Variants in ESR1 observed in about 807,000 individuals in gnomAD.
ESR1 encodes estrogen receptor 1, also known as estrogen receptor.
A neutral mutation model predicts 52.7 loss-of-function variants in ESR1; 12 were observed. The ratio of observed to expected loss-of-function variants is 0.23; its 90% CI spans 0.15 to 0.37. The LOEUF (loss-of-function observed/expected upper bound fraction) is 0.37. ESR1 is among the 10% of genes least tolerant of loss of function. The pLI is 1.00. For missense variants in ESR1, 584 were observed against 779.7 expected (o/e 0.75, Z 2.99); for synonymous variants, 305 against 316.8 (o/e 0.96, Z 0.39).
At chr6:152,010,992 A>G (rs1010510123) in intron 4 of ESR1, among the ~76,000 whole-genome samples, 1 of 151,634 alleles carries the variant, frequency 6.6e-6, no homozygotes, top group Non-Finnish European at 1.5e-5. Context: ...GGTAACCACA[A>G]TATTATCAGT....
chr6:151,824,851 G>T (rs112691513), intron 1 of ESR1, among the ~76,000 whole-genome samples: 5,057 of 151,938 alleles, frequency 0.033, 264 homozygotes, highest in African/African-American at 0.11. Context: ...AACCCAGGAG[G>T]TGTAGGTTGC....
chr6:151,989,479 A>T lies in ESR1; in HGVS notation c.1097-22177A>T, dbSNP rs1031089643. Among the ~76,000 whole-genome samples, 20 of 151,982 alleles carry T rather than the reference A, an allele frequency of 1.3e-4. No individual in the cohort carries two copies. In the East Asian group the frequency reaches 1.7e-3, roughly 13 times the overall value. The stretch of plus-strand genomic sequence containing the variant: ...TAAAAAATTAACTTCAAAAGTATTT[A>T]AAAAAATCATTATATTTAAAACCAT... On this transcript the variant is annotated intron_variant, in intron 4 of 7. Transcript: ENST00000206249.
At chr6:151,985,530 A>AAAC (rs2040394756) in intron 4 of ESR1, among the ~76,000 whole-genome samples, 1 of 134,800 alleles carries the variant, frequency 7.4e-6, no homozygotes, top group African/African-American at 3.2e-5. Context: ...AAAAAAAAAA[A>AAAC]AAACACAAAC....
rs2047567105 is a variant in ESR1, at chr6:152,061,799, T to C, written c.1369+675T>C. On this transcript the variant is annotated intron_variant, in intron 6 of 7. Transcript: ENST00000206249. This position sits in a 1 kb window ranked among gnomAD's most constrained non-coding sequence, Gnocchi z 4.3. Reference sequence around the variant, plus strand: ...CAATGTAGTGAGGCTGGCTGTTGTATAAAGAGTTACTCTATGTCACCAAGA... The same window carrying C: ...CAATGTAGTGAGGCTGGCTGTTGTACAAAGAGTTACTCTATGTCACCAAGA... 6.6e-6 allele frequency among the ~76,000 whole-genome samples: 1 copy of C among 152,226 alleles called. No homozygotes were observed. The highest frequency in any genetic ancestry group is 2.4e-5 in the African/African-American group (1 of 41,454).
intron 4 of ESR1, among the ~76,000 whole-genome samples, chr6:151,996,543 T>G (rs74696092): frequency 0.037 from 5,570 of 152,124 alleles, 271 homozygotes; most frequent in African/African-American, 0.11. Flanking sequence ...GGGCTCTTCT[T>G]AGATTGCAAA....
intron 5 of ESR1, among the ~76,000 whole-genome samples, chr6:152,048,835 C>A (rs987373510): frequency 6.6e-6 from 1 of 152,158 alleles, no homozygotes; most frequent in Non-Finnish European, 1.5e-5. Flanking sequence ...AAAATAGAGA[C>A]CCTGCTCTCA....
intron 5 of ESR1, among the ~76,000 whole-genome samples, chr6:152,057,546 C>G (rs1167281449): frequency 6.6e-6 from 1 of 152,106 alleles, no homozygotes; most frequent in Non-Finnish European, 1.5e-5. Flanking sequence ...CCCCCAGAAG[C>G]CCTCAAAGTT....
chr6:151,973,410 A>C (rs2039112802), intron 4 of ESR1, among the ~76,000 whole-genome samples: 1 of 151,936 alleles, frequency 6.6e-6, no homozygotes, highest in South Asian at 2.1e-4. Flanking sequence ...TGTTCAGTCT[A>C]CTCCTATTTT....
intron 7 of ESR1, among the ~76,000 whole-genome samples, chr6:152,097,125 TTCTCTTTCTCTCTCTC>T (rs781521347): frequency 5.3e-5 from 8 of 151,916 alleles, no homozygotes; most frequent in Admixed American, 2.6e-4. Flanking sequence ...GAGAGGTTGC[TTCTCTTTCTCTCTCTC>T]TCTCTTTCTC....
At chr6:151,892,237 C>G (rs1794798261) in intron 3 of ESR1, among the ~76,000 whole-genome samples, 1 of 152,094 alleles carries the variant, frequency 6.6e-6, no homozygotes, top group Non-Finnish European at 1.5e-5. Flanking sequence ...GTTTTATGAT[C>G]TAAGTTCAGA....
intron 4 of ESR1, among the ~76,000 whole-genome samples, chr6:151,962,656 C>T (rs1457563421): frequency 6.6e-6 from 1 of 152,240 alleles, no homozygotes; most frequent in African/African-American, 2.4e-5. Context: ...AGCCCCCTAT[C>T]TCGCCCAAGC....
chr6:151,829,451 G>A (rs1444593825), intron 1 of ESR1, among the ~76,000 whole-genome samples: 1 of 151,990 alleles, frequency 6.6e-6, no homozygotes, highest in Admixed American at 6.6e-5. Context: ...AATCATTTTA[G>A]CATTAGAAAC....
At chr6:151,815,852 A>G (rs1173377930) in intron 1 of ESR1, among the ~76,000 whole-genome samples, 1 of 152,214 alleles carries the variant, frequency 6.6e-6, no homozygotes, top group African/African-American at 2.4e-5. Context: ...CCCTCAGACT[A>G]TAAACAAGTG....
chr6:151,684,880 TCATTG>T (rs979217979), intron 1 of ESR1, among the ~76,000 whole-genome samples: 1 of 152,110 alleles, frequency 6.6e-6, no homozygotes, highest in African/African-American at 2.4e-5. Context: ...CCACTAGGTT[TCATTG>T]CAAACGGGAA....
At chr6:151,673,529 G>A (rs961751397) in intron 1 of ESR1, among the ~76,000 whole-genome samples, 2 of 151,944 alleles carry the variant, frequency 1.3e-5, no homozygotes, top group Non-Finnish European at 2.9e-5. Flanking sequence ...TGGGTCTTTG[G>A]GTTTTATCTT....
chr6:152,093,717 A>G (rs1422304183), intron 6 of ESR1, among the ~76,000 whole-genome samples: 1 of 152,112 alleles, frequency 6.6e-6, no homozygotes, highest in African/African-American at 2.4e-5. Context: ...GCCTATCCCC[A>G]TCCACATCAT....
chr6:151,789,992 C>T (rs565495164), intron 2 of ESR1, among the ~76,000 whole-genome samples: 14 of 152,096 alleles, frequency 9.2e-5, no homozygotes, highest in Admixed American at 3.3e-4. Context: ...GGGAGCTGCC[C>T]CCCCTCACTC....
At chr6:151,978,402 T>G (rs2039666852) in intron 4 of ESR1, among the ~76,000 whole-genome samples, 1 of 152,144 alleles carries the variant, frequency 6.6e-6, no homozygotes, top group South Asian at 2.1e-4. Flanking sequence ...TGTAATAAAT[T>G]CTAACTGGAG....
intron 3 of ESR1, among the ~76,000 whole-genome samples, chr6:151,890,390 A>G (rs1339197377): frequency 6.6e-6 from 1 of 152,126 alleles, no homozygotes; most frequent in Non-Finnish European, 1.5e-5. Flanking sequence ...CCAGGCCATG[A>G]TCTATACTGT....
Sources: allele counts gnomAD v4.1 joint callset (sites outside exome capture counted in the v4.1 genomes callset), GRCh38; gene constraint gnomAD v4.1.1; non-coding constraint Gnocchi (gnomAD v3.1); transcripts MANE v1.5; gene names NCBI Gene and HGNC (gene_info 2026-07-23, HGNC 2026-07-21).